Variants in TYW5 observed in about 807,000 individuals in gnomAD.
The protein encoded by TYW5 is tRNA wybutosine-synthesizing protein 5.
Under a neutral mutation model 44.4 loss-of-function variants are expected in TYW5, and 36 were observed. That is an observed-to-expected ratio of 0.81 (90% CI 0.62 to 1.07). TYW5 has a LOEUF of 1.07. TYW5 is among the 50% of genes least tolerant of loss of function. The probability of loss-of-function intolerance (pLI) is 0.00; values close to 1 mark genes in which losing one functional copy is unlikely to be tolerated. For missense variants in TYW5, 354 were observed against 365.7 expected (o/e 0.97, Z 0.26); for synonymous variants, 121 against 128.1 (o/e 0.94, Z 0.37).
intron 3 of TYW5, among the ~76,000 whole-genome samples, chr2:199,941,696 T>G (rs887936946): frequency 1.3e-5 from 2 of 152,174 alleles, no homozygotes; most frequent in Non-Finnish European, 2.9e-5. Flanking sequence ...AAAATAAAAT[T>G]AATGCACCAG....
Position 199,936,471 on chromosome 2 carries a change from G to A in TYW5, c.508C>T (p.Gln170Ter), listed in dbSNP as rs761102954. The A allele has an allele frequency of 3.1e-6, 5 of 1,612,838 alleles. No homozygotes were observed. The African/African-American group carries it at 4.0e-5, about 13-fold the overall frequency. Residue 170 changes from glutamine (Q) to a stop codon, truncating the protein, a stop_gained, in exon 6 of 8, where the codon CAA (glutamine) becomes TAA (stop). Coordinates refer to ENST00000354611, the MANE Select transcript of TYW5 (RefSeq NM_001039693.3). LOFTEE classifies it high-confidence loss of function. ...ACAACACGCTTTTTTCCTGTCACTT[G>A]TATTAACAAATTATCCATTACCTGA... ...HYDVMDNLLI[Q>*]VTGKKRVVLF... is the part of the protein sequence containing the mutation.
At chr2:199,935,471 C>G (rs2077411218) in intron 7 of TYW5, among the ~76,000 whole-genome samples, 1 of 151,768 alleles carries the variant, frequency 6.6e-6, no homozygotes, top group African/African-American at 2.4e-5. Flanking sequence ...GCCTCCCGAG[C>G]AGCTGGGACG....
At chr2:199,935,562 G>A (rs2077412008) in intron 7 of TYW5, among the ~76,000 whole-genome samples, 1 of 149,626 alleles carries the variant, frequency 6.7e-6, no homozygotes, top group East Asian at 2.0e-4. Context: ...TGCCCATGCT[G>A]GTCTTGCACT....
intron 7 of TYW5, 86 bp from the exon 8 acceptor site, chr2:199,933,409 T>C: frequency 1.8e-6 from 2 of 1,117,950 alleles, no homozygotes; most frequent in South Asian, 1.6e-5. Context: ...ACGAATTGCA[T>C]ATAGCCAATG....
At chr2:199,945,889 T>C (rs1030042929) in intron 2 of TYW5, 1 of 152,134 alleles carries the variant, frequency 6.6e-6, no homozygotes, top group Admixed American at 6.6e-5. Context: ...GGTATGTAAA[T>C]TGGGAAGTTC....
chr2:199,935,926 C>T lies in TYW5; in HGVS notation c.691+5G>A. ...TAGCACATTAGTGAGGTCTAGAAAT[C>T]TTACCAGGAATGAATAATACATCAC... is the stretch of plus-strand genomic sequence containing the variant. On this transcript the variant is annotated splice_donor_5th_base_variant and intron_variant, in intron 7 of 7. Transcript: ENST00000354611. 1 of 1,581,058 alleles carries T rather than the reference C, an allele frequency of 6.3e-7. No individual in the cohort carries two copies. The highest frequency in any genetic ancestry group is 8.7e-7 in the Non-Finnish European group (1 of 1,152,924).
At chr2:199,934,667 T>A (rs1385796861) in intron 7 of TYW5, among the ~76,000 whole-genome samples, 1 of 152,068 alleles carries the variant, frequency 6.6e-6, no homozygotes, top group Non-Finnish European at 1.5e-5. Context: ...TATTTACTTA[T>A]TTTTATCAGT....
At chr2:199,954,216 C>T (rs561434689) in intron 1 of TYW5, among the ~76,000 whole-genome samples, 1 of 152,076 alleles carries the variant, frequency 6.6e-6, no homozygotes, top group Admixed American at 6.5e-5. Flanking sequence ...ATCCTCCGAC[C>T]TCAGCCTCCA....
intron 1 of TYW5, among the ~76,000 whole-genome samples, chr2:199,950,854 A>G (rs1272120676): frequency 6.6e-6 from 1 of 152,222 alleles, no homozygotes; most frequent in African/African-American, 2.4e-5. Context: ...TGATAATCAT[A>G]CAAGTGCACA....
Position 199,936,029 on chromosome 2 carries a change from A to T in TYW5, c.593T>A (p.Leu198Gln). Residue 198 changes from leucine (L) to glutamine (Q), a missense_variant, in exon 7 of 8, where the codon CTG (leucine) becomes CAG (glutamine). By Grantham distance (113) the Leu-to-Gln change is moderately radical. Transcript: ENST00000354611. The stretch of plus-strand genomic sequence containing the variant: ...AGCCAAGTCTGGGTTATCTATATTC[A>T]GTACTTCTGATTTAGTACCTAAAAA... ...LYLKGTKSEV[L>Q]NIDNPDLAKY... 6.2e-7 allele frequency: 1 copy of T among 1,608,450 alleles called. No homozygotes were observed. Among genetic ancestry groups the T allele is most frequent in the Non-Finnish European group, 8.5e-7 (1 of 1,175,626 alleles).
chr2:199,932,919 A>G lies in TYW5; in HGVS notation c.*148T>C, dbSNP rs1051368034. 8.4e-5 allele frequency: 75 copies of G among 890,708 alleles called. No homozygotes were observed. Among genetic ancestry groups the G allele is most frequent in the Non-Finnish European group, 5.6e-5 (34 of 603,298 alleles). 55.2% of individuals were successfully genotyped at this position (890,708 alleles called of 1,614,324 possible). A position where few individuals can be genotyped will look rare whatever the true frequency, so the allele number is the denominator to read the frequency against. On this transcript the variant is annotated 3_prime_UTR_variant, in exon 8 of 8. Coordinates refer to ENST00000354611, the MANE Select transcript of TYW5 (RefSeq NM_001039693.3). ...CAGCACAGCATTCTTTAATTATAAC[A>G]ATCTGTATCAAGTAGAATCCACACA...
chr2:199,952,730 C>A (rs1406732766), intron 1 of TYW5, among the ~76,000 whole-genome samples: 1 of 152,152 alleles, frequency 6.6e-6, no homozygotes, highest in East Asian at 1.9e-4. Flanking sequence ...TTCCATAGAC[C>A]TAGATTATAG....
chr2:199,936,279 A>T, intron 6 of TYW5, 126 bp downstream of exon 6: 1 of 814,094 alleles, frequency 1.2e-6, no homozygotes, highest in Non-Finnish European at 1.9e-6. Flanking sequence ...ACCTGTTATT[A>T]CATATATACA....
chr2:199,947,691 G>A (rs1245161111), intron 2 of TYW5: 1 of 152,196 alleles, frequency 6.6e-6, no homozygotes, highest in African/African-American at 2.4e-5. Flanking sequence ...AATTAATCAA[G>A]CATTGAATGA....
intron 3 of TYW5, among the ~76,000 whole-genome samples, chr2:199,940,346 G>C (rs1035998480): frequency 2.6e-5 from 4 of 152,168 alleles, no homozygotes; most frequent in African/African-American, 9.7e-5. Context: ...ACCCAGTTAA[G>C]TAGTTTTCTA....
At chr2:199,936,162 C>T (rs79092034) in intron 6 of TYW5, 115 bp from the exon 7 acceptor site, 41,691 of 739,054 alleles carry the variant, frequency 0.056, 1,916 homozygotes, top group East Asian at 0.19. Flanking sequence ...CTTACTGTAC[C>T]AACACTGTGA....
At chr2:199,950,440 C>T (rs1000951785) in intron 1 of TYW5, among the ~76,000 whole-genome samples, 2 of 152,124 alleles carry the variant, frequency 1.3e-5, no homozygotes, top group Admixed American at 6.5e-5. Context: ...TACAACAGGT[C>T]CTCAAATAAA....
rs2077375769 is a variant in TYW5 at position 199,931,291 on chromosome 2, C to A, written c.*1776G>T. On this transcript the variant is annotated 3_prime_UTR_variant, in exon 8 of 8. Coordinates refer to ENST00000354611, the MANE Select transcript of TYW5 (RefSeq NM_001039693.3). Reference sequence around the variant, plus strand: ...TAAATGTTATTTTGTCTAAGGTCATCCAGTTTGCTTCTCCATTAAACAATC... The same window carrying A: ...TAAATGTTATTTTGTCTAAGGTCATACAGTTTGCTTCTCCATTAAACAATC... 1 of 152,054 alleles carries A rather than the reference C, an allele frequency of 6.6e-6. No homozygotes were observed. The allele number at this position is 152,054 out of a possible 1,614,324, so 9.4% of individuals were successfully genotyped here. A position where few individuals can be genotyped will look rare whatever the true frequency, so the allele number is the denominator to read the frequency against.
chr2:199,940,825 AAT>A (rs1180749783), intron 3 of TYW5, among the ~76,000 whole-genome samples: 1 of 152,154 alleles, frequency 6.6e-6, no homozygotes, highest in Non-Finnish European at 1.5e-5. Flanking sequence ...CTCTTATTTT[AAT>A]AGTGTCTTAA....
Sources: gnomAD v4.1 joint callset for allele counts (sites outside exome capture counted in the v4.1 genomes callset) on GRCh38, gnomAD v4.1.1 for gene constraint, MANE v1.5 for transcripts, NCBI Gene and HGNC (gene_info 2026-07-23, HGNC 2026-07-21) for gene names.